The following GPAT4 variants were observed in gnomAD, a reference collection of about 807,000 sequenced individuals.
GPAT4 encodes glycerol-3-phosphate acyltransferase 4.
A neutral mutation model predicts 58.0 loss-of-function variants in GPAT4; 17 were observed. The observed-to-expected ratio is 0.29, with a 90% CI of 0.20 to 0.44. GPAT4 has a LOEUF of 0.44. GPAT4 is among the 20% of genes least tolerant of loss of function. The pLI, the probability that GPAT4 is intolerant of heterozygous loss-of-function variation, is 1.00. For synonymous variants in GPAT4, 204 were observed against 210.1 expected, an observed-to-expected ratio of 0.97 and a Z score of 0.25; for missense variants, 377 against 574.5, an observed-to-expected ratio of 0.66 and a Z score of 3.51.
At chr8:41,597,849 A>G (rs1411032116) in intron 1 of GPAT4, among the ~76,000 whole-genome samples, 2 of 152,252 alleles carry the variant, frequency 1.3e-5, no homozygotes, top group Admixed American at 1.3e-4. Flanking sequence ...CCTGGGGGCC[A>G]TTGGTGACGG....
chr8:41,581,980 G>A, intron 1 of GPAT4, among the ~76,000 whole-genome samples: 1 of 137,650 alleles, frequency 7.3e-6, no homozygotes, highest in East Asian at 2.2e-4. Context: ...CTTAAATCAA[G>A]GGAAGTTCAA....
intron 4 of GPAT4, chr8:41,610,349 T>C: frequency 8.2e-7 from 1 of 1,221,432 alleles, no homozygotes; most frequent in Middle Eastern, 3.5e-4. Context: ...CCTTGCCAGA[T>C]GCTAATACCT....
chr8:41,617,659 C>T (rs921811428), intron 10 of GPAT4, among the ~76,000 whole-genome samples: 2 of 152,218 alleles, frequency 1.3e-5, no homozygotes, highest in Non-Finnish European at 2.9e-5. Context: ...TAGCCCATCC[C>T]ACATGCAGGA....
intron 10 of GPAT4, among the ~76,000 whole-genome samples, chr8:41,617,206 A>G (rs1803620845): frequency 6.6e-6 from 1 of 152,112 alleles, no homozygotes; most frequent in South Asian, 2.1e-4. Context: ...TACTAAAAAT[A>G]CAAAAAAATT....
At chr8:41,595,325 CTTTTTTTTTTTTTTTTTTT>C (rs61465079) in intron 1 of GPAT4, among the ~76,000 whole-genome samples, 1 of 73,812 alleles carries the variant, frequency 1.4e-5, no homozygotes, top group African/African-American at 5.9e-5. Context: ...TTAAATCTTC[CTTTTTTTTTTTTTTTTTTT>C]TTTTTTTTTA....
intron 2 of GPAT4, among the ~76,000 whole-genome samples, chr8:41,601,373 G>T (rs1343547518): frequency 6.6e-6 from 1 of 152,112 alleles, no homozygotes; most frequent in African/African-American, 2.4e-5. Flanking sequence ...TTTTAATTAG[G>T]AAATGTAATT....
chr8:41,614,554 T>A, intron 9 of GPAT4, 113 bp downstream of exon 9: 1 of 1,067,230 alleles, frequency 9.4e-7, no homozygotes, highest in Non-Finnish European at 1.4e-6. Context: ...CTGTTTTCAC[T>A]GAATAATGTT....
chr8:41,594,356 A>G lies in GPAT4; in HGVS notation c.-848-3936A>G, dbSNP rs190589511. On this transcript the variant is annotated intron_variant, in intron 1 of 12. Transcript: ENST00000396987. Reference sequence around the variant, plus strand: ...ACATTCCTATGCCTGCTTATAATCCATTTACCAAAGGTATATTTTACTTTC... The same window carrying G: ...ACATTCCTATGCCTGCTTATAATCCGTTTACCAAAGGTATATTTTACTTTC... Among the ~76,000 whole-genome samples the G allele has an allele frequency of 1.8e-3, 270 of 152,236 alleles. 3 individuals are homozygous for G. Among genetic ancestry groups the G allele is most frequent in the African/African-American group, 6.0e-3 (250 of 41,548 alleles).
chr8:41,606,018 C>T (rs1311092418), intron 2 of GPAT4, among the ~76,000 whole-genome samples: 2 of 152,206 alleles, frequency 1.3e-5, no homozygotes, highest in Non-Finnish European at 2.9e-5. Flanking sequence ...TGAGAGCATC[C>T]TCTTGGGAGG....
rs1457261018 is a variant in GPAT4, at chr8:41,624,600, T to A, written c.*3599T>A. ...CCGGTCCGTAGGCTGGAAGGGCAGC[T>A]GCAGGTGCACTGCCTCGCGGACAGG... is the stretch of plus-strand genomic sequence containing the variant. On this transcript the variant is annotated 3_prime_UTR_variant, in exon 13 of 13. Coordinates refer to ENST00000396987, the MANE Select transcript of GPAT4 (RefSeq NM_178819.4). 1 of 152,200 alleles carries A rather than the reference T, an allele frequency of 6.6e-6. No homozygotes were observed. Among genetic ancestry groups the A allele is most frequent in the Non-Finnish European group, 1.5e-5 (1 of 68,046 alleles). The allele number at this position is 152,200 out of a possible 1,614,324, so 9.4% of individuals were successfully genotyped here.
chr8:41,607,162 A>G (rs1422315709), intron 2 of GPAT4, among the ~76,000 whole-genome samples: 7 of 152,084 alleles, frequency 4.6e-5, no homozygotes, highest in African/African-American at 1.7e-4. Flanking sequence ...CTGGGATTAC[A>G]GGTGTGAGCC....
Position 41,620,900 on chromosome 8 carries a change from G to A in GPAT4, c.1270G>A (p.Gly424Ser). The change falls in exon 13 of 13, where the codon GGC (glycine) becomes AGC (serine). Residue 424 changes from glycine (G) to serine (S), a missense_variant. Gly to Ser is a moderately conservative substitution (Grantham distance 56, BLOSUM62 0). Coordinates refer to ENST00000396987, the MANE Select transcript of GPAT4 (RefSeq NM_178819.4). ...CAGCCTTTGTCTCTCCAGGGATGGG[G>A]GCCTGAAGAGGGAGAAGGTGAAGGA... The part of the protein sequence containing the change: ...GGLVDLLWDG[G>S]LKREKVKDTF... 2.6e-6 allele frequency: 4 copies of A among 1,550,952 alleles called. No individual in the cohort carries two copies. Among genetic ancestry groups the A allele is most frequent in the Non-Finnish European group, 3.5e-6 (4 of 1,147,118 alleles).
At chr8:41,604,173 T>G (rs984638733) in intron 2 of GPAT4, among the ~76,000 whole-genome samples, 3 of 152,200 alleles carry the variant, frequency 2.0e-5, no homozygotes, top group African/African-American at 7.2e-5. Context: ...TTTTCACATT[T>G]TACTAAATAA....
At position 41,578,226 on chromosome 8, in the gene GPAT4, G is replaced by A. The variant is rs1802412136; in HGVS notation, c.-901G>A. 6.6e-6 allele frequency: 1 copy of A among 151,770 alleles called. No homozygotes were observed. The highest frequency in any genetic ancestry group is 1.5e-5 in the Non-Finnish European group (1 of 68,046). 9.4% of individuals were successfully genotyped at this position (151,770 alleles called of 1,614,324 possible). ...CAGCTTGGGCCCGCGGCGGCGGCAA[G>A]GGCGGGAGGGAGCGGTCGCCGCGGG... On this transcript the variant is annotated 5_prime_UTR_variant, in exon 1 of 13. Coordinates refer to ENST00000396987, the MANE Select transcript of GPAT4 (RefSeq NM_178819.4).
Position 41,621,146 on chromosome 8 carries a change from G to C in GPAT4, c.*145G>C. 1 of 1,209,958 alleles carries C rather than the reference G, an allele frequency of 8.3e-7. No homozygotes were observed. The highest frequency in any genetic ancestry group is 1.1e-6 in the Non-Finnish European group (1 of 882,658). 75.0% of individuals were successfully genotyped at this position (1,209,958 alleles called of 1,614,324 possible). A position where few individuals can be genotyped will look rare whatever the true frequency, so the allele number is the denominator to read the frequency against. On this transcript the variant is annotated 3_prime_UTR_variant, in exon 13 of 13. Transcript: ENST00000396987. ...GGATCCCAGGACTCCGGCTTTCGCC[G>C]AGCCGCAGCGGGATCCCTGTGCACC...
In GPAT4 at chr8:41,587,363, A is replaced by C. The variant is rs534434273; in HGVS notation, c.-849+9085A>C. ...AGTATAATGTCATTACTTCTTGGGA[A>C]ATACATTCAAATTCCCCTTCTCCTT... On this transcript the variant is annotated intron_variant, in intron 1 of 12. Transcript: ENST00000396987. 8.5e-5 allele frequency among the ~76,000 whole-genome samples: 13 copies of C among 152,176 alleles called. No homozygotes were observed. The East Asian group carries it at 2.5e-3, about 29-fold the overall frequency.
chr8:41,589,427 GA>G (rs1264751522), intron 1 of GPAT4, among the ~76,000 whole-genome samples: 1 of 152,206 alleles, frequency 6.6e-6, no homozygotes, highest in East Asian at 1.9e-4. Flanking sequence ...GCGGAGGAAA[GA>G]CTAGCAAGGT....
intron 10 of GPAT4, among the ~76,000 whole-genome samples, chr8:41,616,750 A>T (rs1803605851): frequency 6.6e-6 from 1 of 152,150 alleles, no homozygotes; most frequent in South Asian, 2.1e-4. Flanking sequence ...AATGCTTATA[A>T]ATTTTAGATA....
rs535891054 is a variant in GPAT4 at position 41,584,535 on chromosome 8, T to C, written c.-849+6257T>C. ...ACATGGATGGTTCTCAGTATAATTATGCTGAGTGAAGTAAATTGGATAAAA... is the reference window on the plus strand; with the variant it reads ...ACATGGATGGTTCTCAGTATAATTACGCTGAGTGAAGTAAATTGGATAAAA... On this transcript the variant is annotated intron_variant, in intron 1 of 12. Transcript: ENST00000396987. Among the ~76,000 whole-genome samples, 656 of 152,272 alleles carry C rather than the reference T, an allele frequency of 4.3e-3. 4 individuals are homozygous for C. The highest frequency in any genetic ancestry group is 7.5e-3 in the Non-Finnish European group (508 of 68,014).
Sources: allele counts gnomAD v4.1 joint callset (sites outside exome capture counted in the v4.1 genomes callset), GRCh38; gene constraint gnomAD v4.1.1; transcripts MANE v1.5; gene names NCBI Gene and HGNC (gene_info 2026-07-23, HGNC 2026-07-21).